TNNT3: variants seen among roughly 807,000 people sequenced by gnomAD.
TNNT3 encodes troponin T3, fast skeletal type, also known as troponin T, fast skeletal muscle.
Under a neutral mutation model 54.2 loss-of-function variants are expected in TNNT3, and 36 were observed. That is an observed-to-expected ratio of 0.66 (90% CI 0.51 to 0.88). The LOEUF is 0.88. TNNT3 is among the 40% of genes least tolerant of loss of function. The pLI, the probability that TNNT3 is intolerant of heterozygous loss-of-function variation, is 0.00. For synonymous variants in TNNT3, 120 were observed against 109.7 expected (o/e 1.09, Z -0.59); for missense variants, 291 against 331.6 (o/e 0.88, Z 0.95).
At chr11:1,926,649 C>G in intron 5 of TNNT3, 46 bp from the exon 6 acceptor site, 1 of 1,611,474 alleles carries the variant, frequency 6.2e-7, no homozygotes, top group East Asian at 2.2e-5. Flanking sequence ...CACACTGGTC[C>G]TCTCTCTCTC....
At chr11:1,919,915 C>T (rs528835174) in intron 1 of TNNT3, among the ~76,000 whole-genome samples, 153 bp downstream of exon 1, 1 of 152,288 alleles carries the variant, frequency 6.6e-6, no homozygotes, top group South Asian at 2.1e-4. Flanking sequence ...CATCATGGCT[C>T]GGAGCCCCCA....
chr11:1,924,515 G>T (rs900367020), intron 4 of TNNT3, among the ~76,000 whole-genome samples: 2 of 152,238 alleles, frequency 1.3e-5, no homozygotes, highest in Non-Finnish European at 2.9e-5. Context: ...CTAACAACGT[G>T]AGCAAAACAT....
chr11:1,934,991 G>T (rs757063083), intron 14 of TNNT3, 72 bp downstream of exon 14: 4 of 1,422,042 alleles, frequency 2.8e-6, no homozygotes, highest in Non-Finnish European at 4.0e-6. Context: ...ATCTCCCTGC[G>T]TCCCTACCAA....
intron 15 of TNNT3, among the ~76,000 whole-genome samples, chr11:1,937,521 A>T (rs1165034805): frequency 6.6e-6 from 1 of 151,970 alleles, no homozygotes; most frequent in Non-Finnish European, 1.5e-5. Context: ...GGGCTGTGGG[A>T]TCCCTTGACA....
chr11:1,938,172 G>A (rs759431821), intron 15 of TNNT3: 75 of 536,696 alleles, frequency 1.4e-4, no homozygotes, highest in Non-Finnish European at 2.3e-4. Flanking sequence ...TGTCTGCAGT[G>A]GTACCTCAGG....
At chr11:1,935,019 C>A in intron 14 of TNNT3, 100 bp downstream of exon 14, 1 of 1,167,020 alleles carries the variant, frequency 8.6e-7, no homozygotes, top group South Asian at 1.2e-5. Context: ...ACCTGCCCAC[C>A]CCAGGGACCT....
intron 8 of TNNT3, among the ~76,000 whole-genome samples, chr11:1,931,053 T>C (rs1374421446): frequency 6.6e-6 from 1 of 152,214 alleles, no homozygotes; most frequent in Admixed American, 6.5e-5. Flanking sequence ...CATCATACCG[T>C]CTCTACGGCC....
chr11:1,927,338 C>T (rs1189338861), intron 6 of TNNT3, among the ~76,000 whole-genome samples: 1 of 152,174 alleles, frequency 6.6e-6, no homozygotes, highest in South Asian at 2.1e-4. Flanking sequence ...GGTGGGCCTG[C>T]CCTCCCTGGT....
At position 1,925,126 on chromosome 11, in the gene TNNT3, G is replaced by A; in HGVS notation, c.67+10G>A. On this transcript the variant is annotated intron_variant, in intron 5 of 15. Coordinates refer to ENST00000278317, the MANE Select transcript of TNNT3 (RefSeq NM_006757.4). ...GAAGCCCAGGAGGAAGGTAAGTGGG[G>A]TCCAAGGCCCCGGCCCCCATGCCCA... is the stretch of plus-strand genomic sequence containing the variant. The A allele has an allele frequency of 6.2e-7, 1 of 1,612,828 alleles. No individual in the cohort carries two copies. The highest frequency in any genetic ancestry group is 8.5e-7 in the Non-Finnish European group (1 of 1,179,818).
chr11:1,925,201 A>G (rs1851210588), intron 5 of TNNT3, 85 bp downstream of exon 5: 1 of 1,604,694 alleles, frequency 6.2e-7, no homozygotes, highest in East Asian at 2.2e-5. Context: ...CCCGCCTCTA[A>G]GGATTGCTGT....
intron 4 of TNNT3, 98 bp downstream of exon 4, chr11:1,923,670 C>A: frequency 1.2e-6 from 1 of 849,696 alleles, no homozygotes. Flanking sequence ...CCAGGCTGCT[C>A]CAGGCCGCCT....
intron 3 of TNNT3, among the ~76,000 whole-genome samples, chr11:1,923,340 A>C (rs1389357014): frequency 1.3e-5 from 2 of 151,806 alleles, no homozygotes; most frequent in African/African-American, 2.4e-5. Context: ...GTGGGCATCC[A>C]GGACCCCCGA....
intron 5 of TNNT3, chr11:1,925,336 G>A: frequency 6.5e-7 from 1 of 1,536,722 alleles, no homozygotes. Context: ...TGGAGCCCAT[G>A]TGGGGGTGGG....
intron 8 of TNNT3, 35 bp downstream of exon 8, chr11:1,929,863 T>A: frequency 6.6e-7 from 1 of 1,506,514 alleles, no homozygotes; most frequent in East Asian, 2.5e-5. Flanking sequence ...CGCTGCTGAG[T>A]GTGTTCTGGG....
chr11:1,923,881 G>A (rs1358519070), intron 4 of TNNT3, among the ~76,000 whole-genome samples: 3 of 152,078 alleles, frequency 2.0e-5, no homozygotes, highest in Admixed American at 2.0e-4. Context: ...GCCATGGTGT[G>A]TGGAGTTCAC....
At chr11:1,929,322 G>T (rs773653073) in intron 7 of TNNT3, among the ~76,000 whole-genome samples, 179 bp downstream of exon 7, 1 of 152,316 alleles carries the variant, frequency 6.6e-6, no homozygotes, top group Admixed American at 6.5e-5. Context: ...TGCCGCTGGG[G>T]TCGAGCTGCC....
chr11:1,921,628 G>A (rs1345788413), intron 1 of TNNT3: 2 of 152,238 alleles, frequency 1.3e-5, no homozygotes, highest in Non-Finnish European at 2.9e-5. Flanking sequence ...GGGTAATTTT[G>A]CATGGAGCTT....
At chr11:1,934,748 A>T (rs936669037) in intron 13 of TNNT3, 81 bp from the exon 14 acceptor site, 2 of 1,594,302 alleles carry the variant, frequency 1.3e-6, no homozygotes, top group African/African-American at 2.7e-5. Context: ...CGTGCTCCCC[A>T]GTGGCTGCAG....
intron 5 of TNNT3, chr11:1,926,329 C>T (rs1589914924): frequency 2.9e-6 from 3 of 1,049,868 alleles, no homozygotes; most frequent in Non-Finnish European, 4.5e-6. Context: ...CTAACTCTGA[C>T]CGTGTCTTGC....
Sources: gnomAD v4.1 joint callset for allele counts (sites outside exome capture counted in the v4.1 genomes callset) on GRCh38, gnomAD v4.1.1 for gene constraint, MANE v1.5 for transcripts, NCBI Gene and HGNC (gene_info 2026-07-23, HGNC 2026-07-21) for gene names.